DCTD: variants seen among roughly 807,000 people sequenced by gnomAD.
The protein encoded by DCTD is dCMP deaminase, also known as deoxycytidylate deaminase.
Under a neutral mutation model 21.0 loss-of-function variants are expected in DCTD, and 23 were observed. The ratio of observed to expected loss-of-function variants is 1.09; its 90% CI spans 0.79 to 1.55. The LOEUF (loss-of-function observed/expected upper bound fraction) is 1.55. DCTD is among the 40% of genes most tolerant of loss of function. The probability of loss-of-function intolerance (pLI) is 0.00; values close to 1 mark genes in which losing one functional copy is unlikely to be tolerated. For missense variants in DCTD, 224 were observed against 230.0 expected, an observed-to-expected ratio of 0.97 and a Z score of 0.17; for synonymous variants, 71 against 81.1, an observed-to-expected ratio of 0.88 and a Z score of 0.67.
rs1327467522 is a variant in DCTD at position 182,890,212 on chromosome 4, A to C, written c.*1187T>G. 1 of 152,238 alleles carries C rather than the reference A, an allele frequency of 6.6e-6. No homozygotes were observed. Among genetic ancestry groups the C allele is most frequent in the Non-Finnish European group, 1.5e-5 (1 of 68,046 alleles). The allele number at this position is 152,238 out of a possible 1,614,324, so 9.4% of individuals were successfully genotyped here. On this transcript the variant is annotated 3_prime_UTR_variant, in exon 6 of 6. Coordinates refer to ENST00000438320, the MANE Select transcript of DCTD (RefSeq NM_001921.3). ...CAAAATAAAAACTCATGAAAATATA[A>C]GAGCACTTTAAAAAGGTAATAATCT...
chr4:182,917,409 G>C (rs1192238121), upstream of DCTD: 1 of 1,060,666 alleles, frequency 9.4e-7, no homozygotes, highest in Non-Finnish European at 1.1e-6. This position sits in a 1 kb window ranked among gnomAD's most constrained non-coding sequence, Gnocchi z 4.9. Flanking sequence ...CCGCGGGGCC[G>C]GAAGGGGGCA....
chr4:182,904,839 C>T (rs1435918577), intron 3 of DCTD, among the ~76,000 whole-genome samples: 1 of 152,190 alleles, frequency 6.6e-6, no homozygotes, highest in Non-Finnish European at 1.5e-5. Context: ...CCCACCTCCC[C>T]TCTCAGTCCT....
At chr4:182,916,215 A>C (rs1163537224) in intron 1 of DCTD, 2 of 208,822 alleles carry the variant, frequency 9.6e-6, no homozygotes, top group Non-Finnish European at 1.7e-5. Flanking sequence ...CGAGTAATGA[A>C]TTACATGAGA....
intron 3 of DCTD, among the ~76,000 whole-genome samples, chr4:182,908,211 C>A (rs542974376): frequency 8.5e-5 from 13 of 152,132 alleles, no homozygotes; most frequent in African/African-American, 3.1e-4. Flanking sequence ...TTAAAAAAAA[C>A]TCAAAATACA....
intron 3 of DCTD, among the ~76,000 whole-genome samples, chr4:182,907,341 T>C (rs1736905981): frequency 6.6e-6 from 1 of 152,218 alleles, no homozygotes; most frequent in African/African-American, 2.4e-5. Flanking sequence ...TTTCGCCATG[T>C]TGCCCAGGCT....
chr4:182,908,533 T>C (rs951621661), intron 3 of DCTD, among the ~76,000 whole-genome samples: 1 of 151,684 alleles, frequency 6.6e-6, no homozygotes, highest in African/African-American at 2.4e-5. Context: ...AATACAAAAA[T>C]TAACCAGGCG....
chr4:182,902,869 G>A (rs1735995447), intron 3 of DCTD, among the ~76,000 whole-genome samples: 1 of 152,186 alleles, frequency 6.6e-6, no homozygotes, highest in Non-Finnish European at 1.5e-5. Context: ...AAGGAGTGCT[G>A]AGAAAATCCA....
Position 182,915,487 on chromosome 4 carries a change from G to A in DCTD, c.82C>T (p.Gln28Ter). 1.2e-6 allele frequency: 2 copies of A among 1,611,830 alleles called. No individual in the cohort carries two copies. Among genetic ancestry groups the A allele is most frequent in the Non-Finnish European group, 1.7e-6 (2 of 1,177,932 alleles). ...TGGGAATTTGGATCTTTGCTTCTCT[G>A]TGCTGATAAGAAGGCCACAGCCATA... The part of the protein sequence containing the change: ...YFMAVAFLSA[Q>*]RSKDPNSQVG... Residue 28 changes from glutamine to a stop codon, truncating the protein, a stop_gained, in exon 2 of 6, where the codon CAG becomes TAG. Coordinates refer to ENST00000438320, the MANE Select transcript of DCTD (RefSeq NM_001921.3). LOFTEE classifies it high-confidence loss of function.
At chr4:182,910,260 A>G (rs1737442784) in intron 3 of DCTD, among the ~76,000 whole-genome samples, 1 of 152,244 alleles carries the variant, frequency 6.6e-6, no homozygotes, top group Admixed American at 6.5e-5. Context: ...AGTGCTGGGC[A>G]GCTGGATACA....
intron 1 of DCTD, chr4:182,916,398 A>C: frequency 1.0e-6 from 1 of 985,586 alleles, no homozygotes; most frequent in Non-Finnish European, 1.2e-6. Context: ...AAGGAAGACA[A>C]CACAAAAACG....
intron 3 of DCTD, among the ~76,000 whole-genome samples, chr4:182,901,686 C>T (rs1735773688): frequency 6.6e-6 from 1 of 151,832 alleles, no homozygotes; most frequent in Non-Finnish European, 1.5e-5. Flanking sequence ...AGGTGGGAAG[C>T]ATCACCCTCT....
At position 182,917,379 on chromosome 4, in the gene DCTD, CG is replaced by C. The variant is rs1738933331; in HGVS notation, c.-77del. The stretch of plus-strand genomic sequence containing the variant: ...CGCCGCCGTGCTCAGGGAAGGAAGT[CG>C]GGGGAGGAGGCGGGGCCGCCGCGGG... On this transcript the variant is annotated 5_prime_UTR_variant, in exon 1 of 6. Transcript: ENST00000438320. This position sits in a 1 kb window ranked among gnomAD's most constrained non-coding sequence, Gnocchi z 4.9. 1.9e-6 allele frequency: 2 copies of C among 1,059,516 alleles called. No homozygotes were observed. The highest frequency in any genetic ancestry group is 6.6e-5 in the East Asian group (1 of 15,062). The allele number at this position is 1,059,516 out of a possible 1,614,324, so 65.6% of individuals were successfully genotyped here. A position where few individuals can be genotyped will look rare whatever the true frequency, so the allele number is the denominator to read the frequency against.
intron 3 of DCTD, among the ~76,000 whole-genome samples, chr4:182,899,237 G>T (rs1735275349): frequency 6.6e-6 from 1 of 152,044 alleles, no homozygotes; most frequent in Non-Finnish European, 1.5e-5. Context: ...GCTCTCTTTG[G>T]ACTCCTCTCT....
rs892705820 is a variant in DCTD at position 182,890,237 on chromosome 4, T to G, written c.*1162A>C. On this transcript the variant is annotated 3_prime_UTR_variant, in exon 6 of 6. Coordinates refer to ENST00000438320, the MANE Select transcript of DCTD (RefSeq NM_001921.3). ...AGAGCACTTTAAAAAGGTAATAATCTTTAGGATAAAGAAAGCCTTTTCTCA... is the reference window on the plus strand; with the variant it reads ...AGAGCACTTTAAAAAGGTAATAATCGTTAGGATAAAGAAAGCCTTTTCTCA... 8.5e-5 allele frequency: 13 copies of G among 152,234 alleles called. 1 individual carries two copies. The highest frequency in any genetic ancestry group is 6.5e-4 in the Admixed American group (10 of 15,294). 9.4% of individuals were successfully genotyped at this position (152,234 alleles called of 1,614,324 possible).
intron 3 of DCTD, among the ~76,000 whole-genome samples, chr4:182,908,393 A>C (rs2152861790): frequency 6.6e-6 from 1 of 152,272 alleles, no homozygotes. Flanking sequence ...TAAAGAAATA[A>C]AGAAGTGGCC....
rs527333432 is a variant in DCTD, at chr4:182,905,250, C to T, written c.244+9673G>A. Among the ~76,000 whole-genome samples, 45 of 152,238 alleles carry T rather than the reference C, an allele frequency of 3.0e-4. 1 individual carries two copies. The South Asian group carries it at 8.7e-3, about 29-fold the overall frequency. On this transcript the variant is annotated intron_variant, in intron 3 of 5. Transcript: ENST00000438320. Reference sequence around the variant, plus strand: ...ACTTGGCAATATCACCTCTGACCTCCACGTTGCTGAACCCCATGAACACTT... The same window carrying T: ...ACTTGGCAATATCACCTCTGACCTCTACGTTGCTGAACCCCATGAACACTT...
rs557413860 is a variant in DCTD, at chr4:182,915,862, A to T, written c.-7-287T>A. On this transcript the variant is annotated intron_variant, in intron 1 of 5. Transcript: ENST00000438320. The stretch of plus-strand genomic sequence containing the variant: ...CATAGGATTTTTTATGCCAGCCTAC[A>T]AATTGTTGTGTCCTTTACCTGTCTC... 4 of 1,171,078 alleles carry T rather than the reference A, an allele frequency of 3.4e-6. No homozygotes were observed. The South Asian group carries it at 8.6e-5, about 25-fold the overall frequency. 72.5% of individuals were successfully genotyped at this position (1,171,078 alleles called of 1,614,324 possible). A position where few individuals can be genotyped will look rare whatever the true frequency, so the allele number is the denominator to read the frequency against.
intron 3 of DCTD, among the ~76,000 whole-genome samples, chr4:182,896,700 G>A (rs1297455394): frequency 6.6e-6 from 1 of 152,186 alleles, no homozygotes; most frequent in Non-Finnish European, 1.5e-5. Context: ...TGACCAGGCT[G>A]CTCCAGAGCT....
At chr4:182,901,505 G>C (rs2152858223) in intron 3 of DCTD, among the ~76,000 whole-genome samples, 1 of 152,322 alleles carries the variant, frequency 6.6e-6, no homozygotes, top group African/African-American at 2.4e-5. Context: ...GCTAGGACCG[G>C]GGTCAGAAGG....
Sources: allele counts gnomAD v4.1 joint callset (sites outside exome capture counted in the v4.1 genomes callset), GRCh38; gene constraint gnomAD v4.1.1; non-coding constraint Gnocchi (gnomAD v3.1); transcripts MANE v1.5; gene names NCBI Gene and HGNC (gene_info 2026-07-23, HGNC 2026-07-21).